Variants in SPOCK3 observed in about 807,000 individuals in gnomAD.
SPOCK3 encodes SPARC (osteonectin), cwcv and kazal like domains proteoglycan 3, also known as testican-3.
Under a neutral mutation model 56.6 loss-of-function variants are expected in SPOCK3, and 30 were observed. That is an observed-to-expected ratio of 0.53 (90% CI 0.40 to 0.72). The LOEUF is 0.72. Ranked by LOEUF, SPOCK3 falls within the 30% of genes least tolerant of loss-of-function variation. SPOCK3 has a pLI of 0.00. For synonymous variants in SPOCK3, 196 were observed against 183.3 expected, an observed-to-expected ratio of 1.07 and a Z score of -0.56; for missense variants, 527 against 530.0, an observed-to-expected ratio of 0.99 and a Z score of 0.06.
intron 4 of SPOCK3, among the ~76,000 whole-genome samples, chr4:166,999,690 G>A (rs1485966733): frequency 3.9e-5 from 6 of 152,204 alleles, no homozygotes; most frequent in East Asian, 3.9e-4. Flanking sequence ...TGATTGTGGC[G>A]CGTTCAAATT....
At chr4:167,137,134 C>T (rs989895254) in intron 2 of SPOCK3, among the ~76,000 whole-genome samples, 10 of 152,044 alleles carry the variant, frequency 6.6e-5, no homozygotes, top group African/African-American at 2.4e-4. Context: ...TTCCCTTTCT[C>T]TTCCTTATGT....
At chr4:166,816,303 T>C (rs747232826) in intron 6 of SPOCK3, among the ~76,000 whole-genome samples, 65 of 152,122 alleles carry the variant, frequency 4.3e-4, no homozygotes, top group Non-Finnish European at 7.5e-4. Flanking sequence ...TGTATATGTA[T>C]GTAATTTTTA....
At chr4:167,116,654 A>ATATATAC (rs1761400140) in intron 2 of SPOCK3, among the ~76,000 whole-genome samples, 1 of 79,668 alleles carries the variant, frequency 1.3e-5, no homozygotes, top group Non-Finnish European at 2.2e-5. Flanking sequence ...ATATATACAC[A>ATATATAC]TATATACGTA....
At chr4:166,915,058 A>G (rs1267427402) in intron 4 of SPOCK3, among the ~76,000 whole-genome samples, 17 of 152,148 alleles carry the variant, frequency 1.1e-4, no homozygotes, top group Admixed American at 9.2e-4. Context: ...CCAACAATAT[A>G]CAAATGCATT....
At chr4:166,941,787 T>C (rs766878842) in intron 4 of SPOCK3, among the ~76,000 whole-genome samples, 2 of 152,162 alleles carry the variant, frequency 1.3e-5, no homozygotes, top group African/African-American at 2.4e-5. Flanking sequence ...AGTCCTGTAG[T>C]GAGTTCCCGG....
At chr4:167,168,011 G>T (rs773682767) in intron 2 of SPOCK3, among the ~76,000 whole-genome samples, 1 of 152,032 alleles carries the variant, frequency 6.6e-6, no homozygotes, top group Non-Finnish European at 1.5e-5. Flanking sequence ...TTATAAATGG[G>T]AGTTCCCCTG....
At chr4:166,834,311 C>T (rs1334853310) in intron 6 of SPOCK3, among the ~76,000 whole-genome samples, 1 of 152,210 alleles carries the variant, frequency 6.6e-6, no homozygotes, top group Non-Finnish European at 1.5e-5. Flanking sequence ...TCTGATCGCT[C>T]ATAGGTAGCC....
intron 2 of SPOCK3, among the ~76,000 whole-genome samples, chr4:167,083,466 G>A (rs1272203618): frequency 2.0e-5 from 3 of 152,136 alleles, no homozygotes; most frequent in Non-Finnish European, 4.4e-5. Flanking sequence ...ATATAGCTGA[G>A]TGTACAACCT....
chr4:167,020,959 A>G (rs919784626), intron 3 of SPOCK3, among the ~76,000 whole-genome samples: 1 of 152,076 alleles, frequency 6.6e-6, no homozygotes, highest in African/African-American at 2.4e-5. Context: ...GAAAAAGTGA[A>G]TTCCAAATTC....
intron 2 of SPOCK3, among the ~76,000 whole-genome samples, chr4:167,130,096 G>A (rs1762584236): frequency 6.6e-6 from 1 of 152,056 alleles, no homozygotes; most frequent in Admixed American, 6.6e-5. Context: ...GCTTACTGCA[G>A]CCTTCAATTC....
chr4:166,740,498 T>C (rs975914858), intron 9 of SPOCK3, among the ~76,000 whole-genome samples: 1 of 77,076 alleles, frequency 1.3e-5, no homozygotes, highest in Non-Finnish European at 2.6e-5. Context: ...AAGAACTTAT[T>C]ATTATTATTA....
chr4:167,120,263 AAT>A (rs1374009654), intron 2 of SPOCK3, among the ~76,000 whole-genome samples: 1 of 152,050 alleles, frequency 6.6e-6, no homozygotes, highest in East Asian at 1.9e-4. Flanking sequence ...TCAATTTTCT[AAT>A]ATATAAAGTG....
chr4:166,863,355 A>T (rs1425398295), intron 6 of SPOCK3, among the ~76,000 whole-genome samples: 2 of 152,122 alleles, frequency 1.3e-5, no homozygotes, highest in Admixed American at 6.6e-5. Flanking sequence ...AAGACCAATG[A>T]CATTATAAAG....
intron 2 of SPOCK3, among the ~76,000 whole-genome samples, chr4:167,218,764 A>G (rs974874128): frequency 6.6e-6 from 1 of 152,180 alleles, no homozygotes; most frequent in Non-Finnish European, 1.5e-5. Context: ...ACGAAAGACA[A>G]AAAAACTTTA....
intron 2 of SPOCK3, among the ~76,000 whole-genome samples, chr4:167,185,149 T>C (rs1298239241): frequency 6.6e-6 from 1 of 152,224 alleles, no homozygotes; most frequent in Admixed American, 6.5e-5. Flanking sequence ...AATGTGGTAG[T>C]AATCATAACA....
intron 2 of SPOCK3, among the ~76,000 whole-genome samples, chr4:167,074,604 A>T (rs1757004464): frequency 6.6e-6 from 1 of 151,894 alleles, no homozygotes; most frequent in Non-Finnish European, 1.5e-5. Context: ...TTTAAAGCTG[A>T]TTTCAAAATG....
At chr4:166,995,525 T>C (rs1224326762) in intron 4 of SPOCK3, among the ~76,000 whole-genome samples, 1 of 151,972 alleles carries the variant, frequency 6.6e-6, no homozygotes, top group Admixed American at 6.6e-5. Context: ...ATAAACAAGA[T>C]AGGCATGATT....
At chr4:167,088,880 G>A (rs1180652957) in intron 2 of SPOCK3, among the ~76,000 whole-genome samples, 1 of 152,142 alleles carries the variant, frequency 6.6e-6, no homozygotes, top group Non-Finnish European at 1.5e-5. Flanking sequence ...TACTAAACAA[G>A]TTGTAAATAC....
intron 6 of SPOCK3, among the ~76,000 whole-genome samples, chr4:166,841,236 T>C (rs893787600): frequency 6.6e-6 from 1 of 152,158 alleles, no homozygotes; most frequent in South Asian, 2.1e-4. Flanking sequence ...CTGTGGCAAT[T>C]TAACTGAAGG....
Sources: gnomAD v4.1 joint callset for allele counts (sites outside exome capture counted in the v4.1 genomes callset) on GRCh38, gnomAD v4.1.1 for gene constraint, MANE v1.5 for transcripts, NCBI Gene and HGNC (gene_info 2026-07-23, HGNC 2026-07-21) for gene names.